Variants in RNF180 observed in about 807,000 individuals in gnomAD.
RNF180 encodes E3 ubiquitin-protein ligase RNF180.
Under a neutral mutation model 59.2 loss-of-function variants are expected in RNF180, and 38 were observed. The observed-to-expected ratio is 0.64, with a 90% CI of 0.50 to 0.84. The LOEUF (loss-of-function observed/expected upper bound fraction) is 0.84, where lower values mean the gene tolerates loss of function less well. RNF180 is among the 40% of genes least tolerant of loss of function. The pLI is 0.00. For synonymous variants in RNF180, 262 were observed against 240.3 expected (o/e 1.09, Z -0.84); for missense variants, 705 against 700.9 (o/e 1.01, Z -0.07).
chr5:64,225,895 G>A (rs139740048), intron 5 of RNF180, among the ~76,000 whole-genome samples: 1,833 of 135,080 alleles, frequency 0.014, 25 homozygotes, highest in Middle Eastern at 0.044. Context: ...GCCTCTGCCC[G>A]GCCACCCCAT....
chr5:64,260,578 C>T, intron 5 of RNF180, among the ~76,000 whole-genome samples: 1 of 152,140 alleles, frequency 6.6e-6, no homozygotes, highest in Non-Finnish European at 1.5e-5. Flanking sequence ...TCCCTCAATT[C>T]CTTTCAGCAT....
intron 5 of RNF180, among the ~76,000 whole-genome samples, chr5:64,221,481 CTG>C (rs780920665): frequency 2.6e-5 from 4 of 152,042 alleles, no homozygotes; most frequent in Non-Finnish European, 4.4e-5. Context: ...GTTTGTTACT[CTG>C]TTTTATGAAT....
At position 64,252,783 on chromosome 5, in the gene RNF180, G is replaced by T. The variant is rs150378734; in HGVS notation, c.1227+35387G>T. Among the ~76,000 whole-genome samples, 4 of 152,222 alleles carry T rather than the reference G, an allele frequency of 2.6e-5. No individual in the cohort carries two copies. In the East Asian group the frequency reaches 7.7e-4, roughly 29 times the overall value. ...AAGAGGCTTCATGACATGGGGGTTG[G>T]AAGCCTTGTGGAACACAGGTTTTAG... On this transcript the variant is annotated intron_variant, in intron 5 of 7. Coordinates refer to ENST00000389100, the MANE Select transcript of RNF180 (RefSeq NM_001113561.2).
chr5:64,327,831 G>C (rs1196987125), intron 6 of RNF180, among the ~76,000 whole-genome samples: 1 of 152,090 alleles, frequency 6.6e-6, no homozygotes, highest in African/African-American at 2.4e-5. Flanking sequence ...TTAATTTTCT[G>C]TCTAGATCTG....
At chr5:64,167,204 G>A (rs1749692413) in intron 1 of RNF180, among the ~76,000 whole-genome samples, 1 of 152,180 alleles carries the variant, frequency 6.6e-6, no homozygotes, top group Non-Finnish European at 1.5e-5. Context: ...CGAGCTGTTA[G>A]GTTTCCCGGA....
intron 1 of RNF180, among the ~76,000 whole-genome samples, chr5:64,197,481 CG>C (rs1210577841): frequency 1.1e-4 from 16 of 152,110 alleles, no homozygotes; most frequent in African/African-American, 3.9e-4. Context: ...GGTAAAACTG[CG>C]GGTCCCTTAG....
rs1189082739 is a variant in RNF180 at position 64,165,848 on chromosome 5, G to T, written c.-106G>T. On this transcript the variant is annotated 5_prime_UTR_variant, in exon 1 of 8. Coordinates refer to ENST00000389100, the MANE Select transcript of RNF180 (RefSeq NM_001113561.2). The stretch of plus-strand genomic sequence containing the variant: ...CTGTCGCTTCCCGTCTCGCCGAACC[G>T]GCATCGCCGCCGCCGGAGCCGCAGC... 6.6e-6 allele frequency: 1 copy of T among 152,048 alleles called. No homozygotes were observed. Among genetic ancestry groups the T allele is most frequent in the African/African-American group, 2.4e-5 (1 of 41,424 alleles). The allele number at this position is 152,048 out of a possible 1,614,324, so 9.4% of individuals were successfully genotyped here. A position where few individuals can be genotyped will look rare whatever the true frequency, so the allele number is the denominator to read the frequency against.
chr5:64,353,528 G>A (rs537418018), intron 7 of RNF180, among the ~76,000 whole-genome samples: 17 of 151,644 alleles, frequency 1.1e-4, no homozygotes, highest in East Asian at 1.9e-4. Flanking sequence ...GAAATAAGTC[G>A]TATTTAGCCT....
rs146590967 is a variant in RNF180, at chr5:64,347,435, C to G, written c.1579+17029C>G. ...TCTGGAGAAGAGGGAAGGGGCAGTTCCAACTTCTTTCTTTTAGGGACTTGA... is the reference window on the plus strand; with the variant it reads ...TCTGGAGAAGAGGGAAGGGGCAGTTGCAACTTCTTTCTTTTAGGGACTTGA... On this transcript the variant is annotated intron_variant, in intron 7 of 7. Coordinates refer to ENST00000389100, the MANE Select transcript of RNF180 (RefSeq NM_001113561.2). 2.3e-3 allele frequency among the ~76,000 whole-genome samples: 350 copies of G among 152,224 alleles called. 1 individual carries two copies. Among genetic ancestry groups the G allele is most frequent in the African/African-American group, 8.3e-3 (343 of 41,558 alleles).
chr5:64,210,219 T>C (rs916958295), intron 2 of RNF180, among the ~76,000 whole-genome samples: 1 of 152,118 alleles, frequency 6.6e-6, no homozygotes, highest in African/African-American at 2.4e-5. Flanking sequence ...ACCCAACTTA[T>C]GTCTAATGCT....
At chr5:64,309,957 A>C (rs968308769) in intron 5 of RNF180, among the ~76,000 whole-genome samples, 1 of 150,764 alleles carries the variant, frequency 6.6e-6, no homozygotes, top group African/African-American at 2.4e-5. Flanking sequence ...AACTTTGACT[A>C]CATGAGAGTT....
intron 3 of RNF180, 142 bp downstream of exon 3, chr5:64,212,302 C>A: frequency 1.6e-6 from 1 of 611,152 alleles, no homozygotes; most frequent in Non-Finnish European, 3.0e-6. Context: ...CTTCACACTT[C>A]TTTTCTCCTT....
chr5:64,333,591 A>C (rs1303922922), intron 7 of RNF180, among the ~76,000 whole-genome samples: 2 of 152,226 alleles, frequency 1.3e-5, no homozygotes, highest in African/African-American at 4.8e-5. Flanking sequence ...AGTGTTCTTC[A>C]AAACAGTCCC....
chr5:64,344,467 T>C (rs1375433321), intron 7 of RNF180, among the ~76,000 whole-genome samples: 1 of 151,938 alleles, frequency 6.6e-6, no homozygotes, highest in Non-Finnish European at 1.5e-5. Flanking sequence ...AAACAAGAAA[T>C]AGAAATAAAT....
intron 5 of RNF180, among the ~76,000 whole-genome samples, chr5:64,231,565 TAG>T (rs1742104940): frequency 6.6e-6 from 1 of 152,232 alleles, no homozygotes; most frequent in Admixed American, 6.5e-5. Flanking sequence ...GTTAGTTATA[TAG>T]GTCCCAAATC....
chr5:64,206,854 C>T (rs1052533156), intron 2 of RNF180, among the ~76,000 whole-genome samples: 3 of 152,118 alleles, frequency 2.0e-5, no homozygotes, highest in African/African-American at 7.2e-5. Context: ...TCGCCAGAGC[C>T]AGAACATGCT....
chr5:64,275,863 C>T (rs1364512008), intron 5 of RNF180, among the ~76,000 whole-genome samples: 1 of 152,096 alleles, frequency 6.6e-6, no homozygotes, highest in Non-Finnish European at 1.5e-5. Flanking sequence ...TGCTACTCCC[C>T]TACCACCCTA....
chr5:64,356,850 A>C (rs1360466099), intron 7 of RNF180, among the ~76,000 whole-genome samples: 1 of 151,876 alleles, frequency 6.6e-6, no homozygotes, highest in East Asian at 1.9e-4. Flanking sequence ...TTATTGCTTA[A>C]TGGCTACAGT....
chr5:64,241,050 G>C (rs1027845154), intron 5 of RNF180, among the ~76,000 whole-genome samples: 5 of 152,116 alleles, frequency 3.3e-5, no homozygotes, highest in Admixed American at 6.6e-5. Flanking sequence ...ATTTTATTAA[G>C]TATATATAAA....
Sources: gnomAD v4.1 joint callset for allele counts (sites outside exome capture counted in the v4.1 genomes callset) on GRCh38, gnomAD v4.1.1 for gene constraint, MANE v1.5 for transcripts, NCBI Gene and HGNC (gene_info 2026-07-23, HGNC 2026-07-21) for gene names.